WDPCP: variants seen among roughly 807,000 people sequenced by gnomAD.
WDPCP encodes the protein WD repeat-containing and planar cell polarity effector protein fritz homolog.
In WDPCP, 71 loss-of-function variants were observed where a neutral mutation model predicts 93.1. The ratio of observed to expected loss-of-function variants is 0.76; its 90% CI spans 0.63 to 0.93. The LOEUF is 0.93. WDPCP is among the 40% of genes least tolerant of loss of function. The pLI is 0.00. For synonymous variants in WDPCP, 315 were observed against 315.0 expected, an observed-to-expected ratio of 1.00 and a Z score of 0.00; for missense variants, 844 against 887.4, an observed-to-expected ratio of 0.95 and a Z score of 0.62.
chr2:63,464,062 T>C (rs1311832203), intron 6 of WDPCP, among the ~76,000 whole-genome samples: 2 of 151,798 alleles, frequency 1.3e-5, no homozygotes, highest in Non-Finnish European at 2.9e-5. Context: ...AAAGACACAA[T>C]CAACAAAATG....
At chr2:63,314,865 T>C (rs1395546796) in intron 12 of WDPCP, among the ~76,000 whole-genome samples, 2 of 152,124 alleles carry the variant, frequency 1.3e-5, no homozygotes, top group Non-Finnish European at 2.9e-5. Context: ...GAAACATCAA[T>C]TTGGCAATCA....
chr2:63,285,307 G>A (rs1683902448), intron 13 of WDPCP, among the ~76,000 whole-genome samples: 1 of 152,020 alleles, frequency 6.6e-6, no homozygotes, highest in African/African-American at 2.4e-5. Context: ...GGTGGCGGGT[G>A]GCTGTAGTCC....
At chr2:63,384,735 A>G (rs1692590683) in intron 10 of WDPCP, among the ~76,000 whole-genome samples, 1 of 151,976 alleles carries the variant, frequency 6.6e-6, no homozygotes, top group Non-Finnish European at 1.5e-5. Flanking sequence ...AAAAAATAGT[A>G]ATACGTAAAA....
chr2:63,675,365 C>T (rs73934751), intron 2 of WDPCP, among the ~76,000 whole-genome samples: 1 of 152,176 alleles, frequency 6.6e-6, no homozygotes, highest in Non-Finnish European at 1.5e-5. Context: ...CTATCATACT[C>T]TCTCCATCTG....
rs183161452 is a variant in WDPCP, at chr2:63,139,474, C to T, written c.2190+13440G>A. ...AAGTGTTCCCTGTTCACCACATCCA[C>T]GCCCACATCTACTGTTTGATTTTTT... is the stretch of plus-strand genomic sequence containing the variant. On this transcript the variant is annotated intron_variant, in intron 17 of 17. Transcript: ENST00000272321. 1.1e-3 allele frequency among the ~76,000 whole-genome samples: 164 copies of T among 152,258 alleles called. 2 individuals are homozygous for T. Among genetic ancestry groups the T allele is most frequent in the African/African-American group, 2.9e-3 (122 of 41,542 alleles).
At chr2:63,599,115 G>T in intron 3 of WDPCP, 1 of 1,549,016 alleles carries the variant, frequency 6.5e-7, no homozygotes, top group African/African-American at 1.4e-5. Context: ...TTTTAACATA[G>T]ATTAGTTAGT....
intron 2 of WDPCP, among the ~76,000 whole-genome samples, chr2:63,490,398 T>C (rs560943748): frequency 4.5e-4 from 69 of 152,140 alleles, no homozygotes; most frequent in African/African-American, 1.6e-3. Context: ...AGAAAAAAAA[T>C]TCTCTGTACT....
chr2:63,682,140 C>G (rs896004983), intron 2 of WDPCP, among the ~76,000 whole-genome samples: 3 of 152,252 alleles, frequency 2.0e-5, no homozygotes, highest in African/African-American at 7.2e-5. Flanking sequence ...CAGACATCCA[C>G]AAGCATCAAG....
chr2:63,515,740 C>A (rs557423761), intron 1 of WDPCP, among the ~76,000 whole-genome samples: 63 of 152,324 alleles, frequency 4.1e-4, no homozygotes, highest in African/African-American at 1.3e-3. Context: ...ATAATCACCG[C>A]TGGGCACAGT....
At chr2:63,173,917 G>T (rs111586462) in intron 15 of WDPCP, among the ~76,000 whole-genome samples, 8 of 152,276 alleles carry the variant, frequency 5.3e-5, no homozygotes, top group African/African-American at 1.9e-4. Context: ...CAAAAGCAGG[G>T]ATGTTATGCA....
chr2:63,308,867 G>A (rs1002101548), intron 13 of WDPCP, among the ~76,000 whole-genome samples: 2 of 152,076 alleles, frequency 1.3e-5, no homozygotes, highest in African/African-American at 4.8e-5. Flanking sequence ...TTCCGCACAT[G>A]TGTCCAAGAA....
intron 2 of WDPCP, among the ~76,000 whole-genome samples, chr2:63,734,101 A>G (rs1669603043): frequency 2.0e-5 from 3 of 152,188 alleles, no homozygotes; most frequent in Non-Finnish European, 4.4e-5. Flanking sequence ...TGGCAAAACA[A>G]TATTCCATTG....
intron 1 of WDPCP, among the ~76,000 whole-genome samples, chr2:63,530,869 G>A (rs997811154): frequency 3.9e-5 from 2 of 51,350 alleles, no homozygotes; most frequent in Non-Finnish European, 7.2e-5. Flanking sequence ...CCCACACAGT[G>A]TGAGCCAAAG....
intron 12 of WDPCP, among the ~76,000 whole-genome samples, chr2:63,358,532 A>G (rs1395227908): frequency 7.2e-5 from 11 of 152,136 alleles, no homozygotes; most frequent in African/African-American, 2.7e-4. Flanking sequence ...AGGTGCAGTC[A>G]CAGCTCACTG....
chr2:63,620,588 G>T (rs1290534291), intron 3 of WDPCP, among the ~76,000 whole-genome samples: 1 of 152,182 alleles, frequency 6.6e-6, no homozygotes, highest in African/African-American at 2.4e-5. Context: ...GGGTGGGTGT[G>T]GGCACAGCTT....
At chr2:63,802,489 A>C (rs1296074808) in intron 2 of WDPCP, among the ~76,000 whole-genome samples, 3 of 152,112 alleles carry the variant, frequency 2.0e-5, no homozygotes, top group African/African-American at 7.2e-5. Flanking sequence ...AGGTTTACAG[A>C]TGCCACAAGG....
intron 13 of WDPCP, among the ~76,000 whole-genome samples, chr2:63,277,641 A>C (rs1683188819): frequency 6.6e-6 from 1 of 152,206 alleles, no homozygotes; most frequent in Admixed American, 6.5e-5. Flanking sequence ...AGACAACAGC[A>C]GTTTAAAAAG....
intron 1 of WDPCP, among the ~76,000 whole-genome samples, chr2:63,508,576 C>T (rs1702031715): frequency 6.6e-6 from 1 of 152,148 alleles, no homozygotes; most frequent in African/African-American, 2.4e-5. Flanking sequence ...ATCAAATTCA[C>T]ACATAACAAT....
At chr2:63,429,338 A>G (rs1413898250) in intron 9 of WDPCP, among the ~76,000 whole-genome samples, 1 of 152,160 alleles carries the variant, frequency 6.6e-6, no homozygotes. Flanking sequence ...ACACAAATTA[A>G]GAGGGGCCTA....
Sources: allele counts gnomAD v4.1 joint callset (sites outside exome capture counted in the v4.1 genomes callset), GRCh38; gene constraint gnomAD v4.1.1; transcripts MANE v1.5; gene names NCBI Gene and HGNC (gene_info 2026-07-23, HGNC 2026-07-21).